The following MAN1A2 variants were observed in gnomAD, a reference collection of about 807,000 sequenced individuals.
MAN1A2 encodes mannosyl-oligosaccharide 1,2-alpha-mannosidase IB.
MAN1A2 carries 26 observed loss-of-function variants against 75.7 expected under a neutral mutation model. The observed-to-expected ratio is 0.34, with a 90% CI of 0.25 to 0.48. MAN1A2 has a LOEUF of 0.48. Ranked by LOEUF, MAN1A2 falls within the 20% of genes least tolerant of loss-of-function variation. The probability of loss-of-function intolerance (pLI) is 0.99; values close to 1 mark genes in which losing one functional copy is unlikely to be tolerated. For missense variants in MAN1A2, 562 were observed against 775.5 expected (o/e 0.72, Z 3.27); for synonymous variants, 247 against 264.6 (o/e 0.93, Z 0.65).
At chr1:117,517,932 A>G (rs1286604265) in intron 12 of MAN1A2, among the ~76,000 whole-genome samples, 1 of 152,060 alleles carries the variant, frequency 6.6e-6, no homozygotes, top group Non-Finnish European at 1.5e-5. Context: ...AAATTAGGTA[A>G]ACAGGAACAA....
chr1:117,400,479 A>T (rs1044943595), intron 1 of MAN1A2, among the ~76,000 whole-genome samples: 1 of 151,854 alleles, frequency 6.6e-6, no homozygotes. Flanking sequence ...CATTAAAAAA[A>T]AAACTCCCTT....
chr1:117,476,596 ACCAT>A (rs1245301584), intron 8 of MAN1A2, among the ~76,000 whole-genome samples: 1 of 152,006 alleles, frequency 6.6e-6, no homozygotes, highest in African/African-American at 2.4e-5. Context: ...TTTTCCCAAC[ACCAT>A]TTATTAAATG....
chr1:117,445,728 T>C (rs1029398835), intron 6 of MAN1A2, among the ~76,000 whole-genome samples: 1 of 151,590 alleles, frequency 6.6e-6, no homozygotes, highest in African/African-American at 2.4e-5. Context: ...GCTCTCACTG[T>C]CTTGCCTAGT....
At chr1:117,428,126 T>TG (rs1166844163) in intron 5 of MAN1A2, among the ~76,000 whole-genome samples, 47 of 149,886 alleles carry the variant, frequency 3.1e-4, no homozygotes, top group Admixed American at 6.6e-4. Context: ...TTTTTTTTTT[T>TG]GGGGGGGGAC....
intron 7 of MAN1A2, among the ~76,000 whole-genome samples, chr1:117,462,857 G>T (rs1467672861): frequency 1.3e-5 from 2 of 152,198 alleles, no homozygotes; most frequent in East Asian, 3.9e-4. Context: ...TGACAAATAT[G>T]AAACTCAAGA....
intron 6 of MAN1A2, among the ~76,000 whole-genome samples, chr1:117,450,882 A>C (rs1360432786): frequency 6.6e-6 from 1 of 151,888 alleles, no homozygotes; most frequent in Non-Finnish European, 1.5e-5. Context: ...CAGGGACACG[A>C]CTCTCTCTCA....
intron 3 of MAN1A2, among the ~76,000 whole-genome samples, chr1:117,409,119 T>G (rs1647721314): frequency 6.6e-6 from 1 of 152,130 alleles, no homozygotes. Flanking sequence ...TTCTTTGTGT[T>G]TTCATTTCTT....
intron 1 of MAN1A2, among the ~76,000 whole-genome samples, chr1:117,399,338 A>G (rs1002804136): frequency 2.0e-4 from 30 of 152,308 alleles, no homozygotes; most frequent in African/African-American, 6.3e-4. Context: ...TAACTTGGGG[A>G]TAATGTGGTA....
At chr1:117,513,580 T>C (rs1343903900) in intron 12 of MAN1A2, among the ~76,000 whole-genome samples, 1 of 151,998 alleles carries the variant, frequency 6.6e-6, no homozygotes, top group South Asian at 2.1e-4. Context: ...TTTTTCTTTC[T>C]AGTAATTTTC....
chr1:117,414,929 T>C (rs1277152805), intron 4 of MAN1A2, 98 bp downstream of exon 4: 5 of 733,292 alleles, frequency 6.8e-6, no homozygotes, highest in Middle Eastern at 2.5e-4. Context: ...CTAAAATTCA[T>C]ATGTTGAAAC....
At chr1:117,513,918 A>G (rs1570804700) in intron 12 of MAN1A2, among the ~76,000 whole-genome samples, 1 of 152,186 alleles carries the variant, frequency 6.6e-6, no homozygotes, top group South Asian at 2.1e-4. Flanking sequence ...CTAAGGGAAC[A>G]TATTGTAGTA....
chr1:117,398,755 A>C (rs1647300182), intron 1 of MAN1A2, among the ~76,000 whole-genome samples: 2 of 152,146 alleles, frequency 1.3e-5, no homozygotes, highest in African/African-American at 4.8e-5. Context: ...GAAGCTTGAG[A>C]GATAGATAGA....
chr1:117,374,417 T>C (rs1022140971), intron 1 of MAN1A2, among the ~76,000 whole-genome samples: 6 of 152,242 alleles, frequency 3.9e-5, no homozygotes, highest in Non-Finnish European at 1.5e-5. Flanking sequence ...TTCACTGCTA[T>C]TGAATTTTTG....
In MAN1A2 at chr1:117,496,897, T is replaced by C. The variant is rs1168690731; in HGVS notation, c.1419T>C (p.Asp473=). 1 of 1,612,664 alleles carries C rather than the reference T, an allele frequency of 6.2e-7. No individual in the cohort carries two copies. Among genetic ancestry groups the C allele is most frequent in the East Asian group, 2.2e-5 (1 of 44,734 alleles). The change falls in exon 10 of 13, where the codon GAT becomes GAC. Residue 473 remains aspartate, a synonymous_variant. Transcript: ENST00000356554. ...GGGGAATGTTTGCACTAGGAGCAGATGGTTCCAGAGCAGATAAAGCTGGTC... is the reference window on the plus strand; with the variant it reads ...GGGGAATGTTTGCACTAGGAGCAGACGGTTCCAGAGCAGATAAAGCTGGTC... ...FAGGMFALGA[D]GSRADKAGHY... is the part of the protein sequence containing the mutation.
intron 1 of MAN1A2, among the ~76,000 whole-genome samples, chr1:117,399,951 G>C (rs1647364516): frequency 1.3e-5 from 2 of 152,170 alleles, no homozygotes; most frequent in African/African-American, 4.8e-5. Context: ...ATTATGATCT[G>C]TTCTCTGGGG....
chr1:117,373,979 G>A (rs1653059857), intron 1 of MAN1A2, among the ~76,000 whole-genome samples: 3 of 152,064 alleles, frequency 2.0e-5, no homozygotes, highest in Admixed American at 6.5e-5. Context: ...TATAGGCAGA[G>A]CAGCCAATTT....
chr1:117,398,543 G>A (rs971959264), intron 1 of MAN1A2, among the ~76,000 whole-genome samples: 5 of 152,032 alleles, frequency 3.3e-5, no homozygotes, highest in Admixed American at 1.3e-4. Context: ...GCGTGGTGGC[G>A]TGTGCCTGTA....
In MAN1A2 at chr1:117,401,201, G is replaced by A. The variant is rs550874532; in HGVS notation, c.303-985G>A. Among the ~76,000 whole-genome samples, 5 of 149,320 alleles carry A rather than the reference G, an allele frequency of 3.3e-5. No individual in the cohort carries two copies. The South Asian group carries it at 6.3e-4, about 19-fold the overall frequency. ...TCTTTATTTCTCTGAGATAAATGCC[G>A]AGAAGTGCATTTGCAGGATTCTATG... is the stretch of plus-strand genomic sequence containing the variant. On this transcript the variant is annotated intron_variant, in intron 1 of 12. Coordinates refer to ENST00000356554, the MANE Select transcript of MAN1A2 (RefSeq NM_006699.5).
At chr1:117,435,555 G>C (rs1402162216) in intron 5 of MAN1A2, among the ~76,000 whole-genome samples, 1 of 152,112 alleles carries the variant, frequency 6.6e-6, no homozygotes, top group African/African-American at 2.4e-5. Context: ...TGTAAAACTG[G>C]AAAAGTTACT....
Sources: allele counts gnomAD v4.1 joint callset (sites outside exome capture counted in the v4.1 genomes callset), GRCh38; gene constraint gnomAD v4.1.1; transcripts MANE v1.5; gene names NCBI Gene and HGNC (gene_info 2026-07-23, HGNC 2026-07-21).